The following GRID2 variants were observed in gnomAD, a reference collection of about 807,000 sequenced individuals.
The protein encoded by GRID2 is glutamate receptor ionotropic, delta-2.
Under a neutral mutation model 114.8 loss-of-function variants are expected in GRID2, and 33 were observed. The observed-to-expected ratio is 0.29, with a 90% confidence interval of 0.22 to 0.38. The LOEUF is 0.38. Ranked by LOEUF, GRID2 falls within the 10% of genes least tolerant of loss-of-function variation. The probability of loss-of-function intolerance (pLI) is 1.00; values close to 1 mark genes in which losing one functional copy is unlikely to be tolerated. For missense variants in GRID2, 1,184 were observed against 1,257.7 expected, an observed-to-expected ratio of 0.94 and a Z score of 0.89; for synonymous variants, 505 against 449.9, an observed-to-expected ratio of 1.12 and a Z score of -1.55.
chr4:92,729,815 A>T (rs1321305414), intron 2 of GRID2, among the ~76,000 whole-genome samples: 1 of 139,996 alleles, frequency 7.1e-6, no homozygotes, highest in Non-Finnish European at 1.6e-5. Flanking sequence ...AAAATTTAAC[A>T]AAACAGTAAA....
intron 1 of GRID2, among the ~76,000 whole-genome samples, chr4:92,472,595 G>A (rs1378085482): frequency 2.0e-5 from 3 of 152,046 alleles, no homozygotes; most frequent in Admixed American, 2.0e-4. Flanking sequence ...TACTGGTGTG[G>A]TTACACATTT....
At chr4:92,792,456 AACAC>A (rs35204445) in intron 2 of GRID2, among the ~76,000 whole-genome samples, 36,170 of 135,906 alleles carry the variant, frequency 0.27, 4,811 homozygotes, top group Admixed American at 0.34. Flanking sequence ...CAGGCAAGAG[AACAC>A]ACACACACAC....
intron 2 of GRID2, among the ~76,000 whole-genome samples, chr4:92,757,879 G>A (rs1436415952): frequency 6.6e-6 from 1 of 151,828 alleles, no homozygotes; most frequent in African/African-American, 2.4e-5. Flanking sequence ...ATTGGATTTA[G>A]TAAGATACAC....
At chr4:93,326,424 C>T (rs1372445667) in intron 8 of GRID2, among the ~76,000 whole-genome samples, 1 of 152,116 alleles carries the variant, frequency 6.6e-6, no homozygotes, top group African/African-American at 2.4e-5. Context: ...AAGAGTGCTT[C>T]ATTTCTGCCT....
rs578160027 is a variant in GRID2 at position 92,887,073 on chromosome 4, GCCACATAAAC to G, written c.245-197916_245-197907del. Reference sequence around the variant, plus strand: ...ACTCTACATATGATTTCTGTAAAAGGCCACATAAACCCACAGTACTGTTAATATGGTGTTT... The same window carrying G: ...ACTCTACATATGATTTCTGTAAAAGGCCACAGTACTGTTAATATGGTGTTT... On this transcript the variant is annotated intron_variant, in intron 2 of 15. Coordinates refer to ENST00000282020, the MANE Select transcript of GRID2 (RefSeq NM_001510.4). Among the ~76,000 whole-genome samples the G allele has an allele frequency of 5.3e-5, 8 of 152,240 alleles. No individual in the cohort carries two copies. The East Asian group carries it at 1.4e-3, about 26-fold the overall frequency.
At position 92,723,854 on chromosome 4, in the gene GRID2, C is replaced by T. The variant is rs552531995; in HGVS notation, c.244+133568C>T. 1.3e-3 allele frequency among the ~76,000 whole-genome samples: 205 copies of T among 152,250 alleles called. 2 individuals carry two copies. The highest frequency in any genetic ancestry group is 2.1e-3 in the Non-Finnish European group (140 of 68,004). ...CATTACAACAAAGTCGGCTACTTCT[C>T]TTCCTATTACCTCTTGTTTGTAAAT... is the stretch of plus-strand genomic sequence containing the variant. On this transcript the variant is annotated intron_variant, in intron 2 of 15. Coordinates refer to ENST00000282020, the MANE Select transcript of GRID2 (RefSeq NM_001510.4).
intron 10 of GRID2, among the ~76,000 whole-genome samples, chr4:93,446,106 G>C (rs902766916): frequency 6.6e-6 from 1 of 152,004 alleles, no homozygotes; most frequent in African/African-American, 2.4e-5. Flanking sequence ...TCAGCAGGAA[G>C]CATAATATTT....
At chr4:93,337,878 T>G (rs1318570534) in intron 8 of GRID2, among the ~76,000 whole-genome samples, 2 of 152,164 alleles carry the variant, frequency 1.3e-5, no homozygotes, top group East Asian at 1.9e-4. Context: ...CAAAAATAAT[T>G]TAAAAAGGGC....
chr4:93,359,869 T>TAAAAAA (rs1158118048), intron 8 of GRID2, among the ~76,000 whole-genome samples: 1 of 23,596 alleles, frequency 4.2e-5, no homozygotes, highest in Non-Finnish European at 7.1e-5. Context: ...AAGGAAGGTG[T>TAAAAAA]AAAAAAAAAA....
At chr4:93,450,882 A>G (rs1464746740) in intron 10 of GRID2, among the ~76,000 whole-genome samples, 1 of 151,968 alleles carries the variant, frequency 6.6e-6, no homozygotes, top group Admixed American at 6.6e-5. Context: ...AAGTGTAAAT[A>G]TACTGATAAA....
intron 1 of GRID2, among the ~76,000 whole-genome samples, chr4:92,363,566 T>G (rs895975877): frequency 6.6e-6 from 1 of 152,068 alleles, no homozygotes; most frequent in Non-Finnish European, 1.5e-5. Context: ...TACTGATGAT[T>G]TATAACACAC....
At chr4:93,651,241 G>A (rs1425736530) in intron 14 of GRID2, among the ~76,000 whole-genome samples, 1 of 152,112 alleles carries the variant, frequency 6.6e-6, no homozygotes, top group Non-Finnish European at 1.5e-5. Context: ...GTTTCCTAGG[G>A]GTTAGACTGT....
chr4:93,165,595 C>T (rs185332574), intron 4 of GRID2, among the ~76,000 whole-genome samples: 12 of 152,136 alleles, frequency 7.9e-5, no homozygotes, highest in African/African-American at 2.9e-4. Context: ...AAAGAGCTTC[C>T]CTAAGAGCAG....
chr4:93,743,216 A>G (rs960831888), intron 14 of GRID2, among the ~76,000 whole-genome samples: 1 of 152,216 alleles, frequency 6.6e-6, no homozygotes, highest in Non-Finnish European at 1.5e-5. Context: ...AGGCTGAGAG[A>G]AAAGAGGAAG....
Position 93,150,845 on chromosome 4 carries a change from G to A in GRID2, c.735+39892G>A, listed in dbSNP as rs545393939. ...TATTACCCACAGAAATACAGTCAGA[G>A]GTCGGGCGCGGTGGCTCTCGCCTGT... On this transcript the variant is annotated intron_variant, in intron 4 of 15. Coordinates refer to ENST00000282020, the MANE Select transcript of GRID2 (RefSeq NM_001510.4). Among the ~76,000 whole-genome samples, 9 of 152,104 alleles carry A rather than the reference G, an allele frequency of 5.9e-5. No individual in the cohort carries two copies. In the South Asian group the frequency reaches 1.9e-3, roughly 32 times the overall value.
chr4:92,314,171 C>G (rs868360668), intron 1 of GRID2, among the ~76,000 whole-genome samples: 2 of 151,884 alleles, frequency 1.3e-5, no homozygotes, highest in South Asian at 4.2e-4. Flanking sequence ...ACCTGAGAGA[C>G]AAGTTTAGAG....
At chr4:92,685,976 G>C (rs1290858459) in intron 2 of GRID2, among the ~76,000 whole-genome samples, 1 of 151,918 alleles carries the variant, frequency 6.6e-6, no homozygotes, top group Non-Finnish European at 1.5e-5. Flanking sequence ...TACTTTCAGT[G>C]CTTCTTGCTG....
Position 92,411,651 on chromosome 4 carries a change from G to GTA in GRID2, c.88+106908_88+106909insAT, listed in dbSNP as rs1365702947. On this transcript the variant is annotated intron_variant, in intron 1 of 15. Transcript: ENST00000282020. ...TGTGTGTGTGTGTGTGTGTGTGTGT[G>GTA]TGTGTATATATATATATATATATAT... 1.2e-3 allele frequency among the ~76,000 whole-genome samples: 115 copies of GTA among 96,332 alleles called. 1 individual carries two copies. The highest frequency in any genetic ancestry group is 4.2e-3 in the African/African-American group (81 of 19,160). 63.2% of individuals were successfully genotyped at this position (96,332 alleles called of 152,430 possible). A position where few individuals can be genotyped will look rare whatever the true frequency, so the allele number is the denominator to read the frequency against.
At chr4:93,385,710 G>C (rs1579908302) in intron 8 of GRID2, among the ~76,000 whole-genome samples, 1 of 144,472 alleles carries the variant, frequency 6.9e-6, no homozygotes, top group Middle Eastern at 3.4e-3. Flanking sequence ...TTGGTTTTCT[G>C]ATAATATAAA....
Sources: gnomAD v4.1 joint callset for allele counts (sites outside exome capture counted in the v4.1 genomes callset) on GRCh38, gnomAD v4.1.1 for gene constraint, MANE v1.5 for transcripts, NCBI Gene and HGNC (gene_info 2026-07-23, HGNC 2026-07-21) for gene names.